Variants in TLK2 observed in about 807,000 individuals in gnomAD.
The protein encoded by TLK2 is tousled like kinase 2, also known as serine/threonine-protein kinase tousled-like 2.
Under a neutral mutation model 117.3 loss-of-function variants are expected in TLK2, and 6 were observed. The observed-to-expected ratio is 0.05, with a 90% CI of 0.03 to 0.10. TLK2 has a LOEUF of 0.10. Ranked by LOEUF, TLK2 falls within the 10% of genes least tolerant of loss-of-function variation. TLK2 has a pLI of 1.00. For missense variants in TLK2, 299 were observed against 901.2 expected (o/e 0.33, Z 8.56); for synonymous variants, 257 against 316.7 (o/e 0.81, Z 2.00).
At chr17:62,505,956 G>A (rs1179035661) in intron 2 of TLK2, among the ~76,000 whole-genome samples, 12 of 152,242 alleles carry the variant, frequency 7.9e-5, no homozygotes, top group Non-Finnish European at 1.5e-4. Flanking sequence ...GCCTCCCGAA[G>A]TGCTGGGATT....
intron 6 of TLK2, among the ~76,000 whole-genome samples, chr17:62,530,459 C>T (rs1319207238): frequency 1.3e-5 from 2 of 152,016 alleles, no homozygotes; most frequent in African/African-American, 4.8e-5. Context: ...AGAGTGAGAC[C>T]CTGTCTCAAA....
upstream of TLK2, among the ~76,000 whole-genome samples, chr17:62,478,320 G>A (rs2071161806): frequency 1.3e-5 from 2 of 151,488 alleles, no homozygotes; most frequent in South Asian, 4.1e-4. Context: ...GGAGCCGAGG[G>A]GCTGGGCAGG....
At chr17:62,493,268 CG>C (rs1471059001) in intron 2 of TLK2, among the ~76,000 whole-genome samples, 1 of 152,126 alleles carries the variant, frequency 6.6e-6, no homozygotes, top group African/African-American at 2.4e-5. Flanking sequence ...ATAGTATCTT[CG>C]AAGTTTATCT....
chr17:62,579,483 T>G (rs1224441196), intron 14 of TLK2, among the ~76,000 whole-genome samples: 2 of 152,212 alleles, frequency 1.3e-5, no homozygotes, highest in African/African-American at 4.8e-5. Flanking sequence ...TAAAGTAATT[T>G]CAGAATTAAT....
intron 2 of TLK2, among the ~76,000 whole-genome samples, chr17:62,508,023 G>A (rs150934501): frequency 0.013 from 1,948 of 152,148 alleles, 23 homozygotes; most frequent in Middle Eastern, 0.048. Flanking sequence ...GACAGGGGAG[G>A]TAGTTTAAAT....
intron 7 of TLK2, among the ~76,000 whole-genome samples, chr17:62,538,768 T>C (rs2077296591): frequency 6.6e-6 from 1 of 152,232 alleles, no homozygotes. Context: ...AAAGTCTAAA[T>C]GCTCTGGTAC....
chr17:62,601,175 C>T (rs2082847864), intron 18 of TLK2, among the ~76,000 whole-genome samples: 1 of 152,112 alleles, frequency 6.6e-6, no homozygotes, highest in African/African-American at 2.4e-5. Flanking sequence ...ATAAGAGCCC[C>T]CAAATTAATA....
At chr17:62,585,433 G>T (rs1342899284) in intron 15 of TLK2, among the ~76,000 whole-genome samples, 1 of 152,200 alleles carries the variant, frequency 6.6e-6, no homozygotes, top group African/African-American at 2.4e-5. Context: ...AGCTACTCAG[G>T]AAGCTGAGGC....
At chr17:62,569,162 G>C (rs1421864091) in intron 11 of TLK2, among the ~76,000 whole-genome samples, 3 of 151,174 alleles carry the variant, frequency 2.0e-5, no homozygotes, top group African/African-American at 7.3e-5. Context: ...AAAATTAGCC[G>C]GGCATGGTGG....
rs745558653 is a variant in TLK2 at position 62,560,828 on chromosome 17, A to AT, written c.831+712dup. 4.4e-4 allele frequency among the ~76,000 whole-genome samples: 65 copies of AT among 148,380 alleles called. No individual in the cohort carries two copies. In the Middle Eastern group the frequency reaches 0.014, roughly 31 times the overall value. The stretch of plus-strand genomic sequence containing the variant: ...GCCACCATGCCCGGCCAATTTTTGT[A>AT]TTTTTTTTTTAATTATACTTTAAGT... On this transcript the variant is annotated intron_variant, in intron 10 of 21. Coordinates refer to ENST00000346027, the MANE Select transcript of TLK2 (RefSeq NM_006852.6).
At chr17:62,475,086 C>G (rs540993801), upstream of TLK2, among the ~76,000 whole-genome samples, 1 of 152,122 alleles carries the variant, frequency 6.6e-6, no homozygotes, top group South Asian at 2.1e-4. Flanking sequence ...TCCTAGCAAC[C>G]AAACGTTTTT....
At chr17:62,559,651 T>G (rs1217094202) in intron 9 of TLK2, among the ~76,000 whole-genome samples, 1 of 152,190 alleles carries the variant, frequency 6.6e-6, no homozygotes, top group Non-Finnish European at 1.5e-5. Context: ...GTGCTAGGAT[T>G]GCACGCATGA....
intron 7 of TLK2, among the ~76,000 whole-genome samples, chr17:62,537,057 C>T (rs1393821970): frequency 6.6e-6 from 1 of 152,196 alleles, no homozygotes; most frequent in Non-Finnish European, 1.5e-5. Flanking sequence ...AGCCCCGTCG[C>T]CGTATTCCTA....
intron 10 of TLK2, among the ~76,000 whole-genome samples, chr17:62,564,160 T>A (rs2079532933): frequency 6.6e-6 from 1 of 152,114 alleles, no homozygotes; most frequent in Non-Finnish European, 1.5e-5. Flanking sequence ...CTCAGCACTT[T>A]GGGAGGTGGA....
intron 16 of TLK2, among the ~76,000 whole-genome samples, chr17:62,594,088 T>C (rs1158691368): frequency 6.7e-6 from 1 of 150,336 alleles, no homozygotes; most frequent in Non-Finnish European, 1.5e-5. Context: ...CCACCGCCCC[T>C]GCTCTCTAAA....
At chr17:62,601,303 G>A (rs1410348571) in intron 18 of TLK2, among the ~76,000 whole-genome samples, 1 of 152,148 alleles carries the variant, frequency 6.6e-6, no homozygotes, top group East Asian at 1.9e-4. Flanking sequence ...GGCAGCTAGA[G>A]TCCTTACCTC....
At chr17:62,519,646 A>G (rs1432138466) in intron 2 of TLK2, among the ~76,000 whole-genome samples, 6 of 152,070 alleles carry the variant, frequency 3.9e-5, no homozygotes, top group African/African-American at 9.7e-5. Context: ...AAACAATAAT[A>G]AATTATTATT....
At chr17:62,561,813 TG>T (rs994217920) in intron 10 of TLK2, among the ~76,000 whole-genome samples, 85 of 152,342 alleles carry the variant, frequency 5.6e-4, no homozygotes, top group African/African-American at 2.0e-3. Context: ...ATAATTTCTT[TG>T]AAGTTTTAGA....
At chr17:62,487,988 G>T (rs2072650973) in intron 2 of TLK2, among the ~76,000 whole-genome samples, 1 of 151,544 alleles carries the variant, frequency 6.6e-6, no homozygotes, top group South Asian at 2.1e-4. Flanking sequence ...CGCCCAGGCT[G>T]GAGTGCAGTG....
Sources: gnomAD v4.1 joint callset for allele counts (sites outside exome capture counted in the v4.1 genomes callset) on GRCh38, gnomAD v4.1.1 for gene constraint, MANE v1.5 for transcripts, NCBI Gene and HGNC (gene_info 2026-07-23, HGNC 2026-07-21) for gene names.